Variants in ERCC8 observed in about 807,000 individuals in gnomAD.
ERCC8 encodes the protein DNA excision repair protein ERCC-8.
Under a neutral mutation model 54.9 loss-of-function variants are expected in ERCC8, and 52 were observed. That is an observed-to-expected ratio of 0.95 (90% CI 0.76 to 1.19). The LOEUF (loss-of-function observed/expected upper bound fraction) is 1.19, where lower values mean the gene tolerates loss of function less well. Ranked by LOEUF, ERCC8 falls within the 50% of genes most tolerant of loss-of-function variation. The pLI is 0.00. For synonymous variants in ERCC8, 146 were observed against 157.2 expected (o/e 0.93, Z 0.53); for missense variants, 514 against 466.1 (o/e 1.10, Z -0.95).
At chr5:60,907,966 T>C (rs750683761) in intron 4 of ERCC8, among the ~76,000 whole-genome samples, 3 of 152,208 alleles carry the variant, frequency 2.0e-5, no homozygotes, top group Non-Finnish European at 4.4e-5. Flanking sequence ...TTCAACACAA[T>C]TGATTACTCC....
chr5:60,917,806 C>A (rs1472266681), intron 4 of ERCC8, among the ~76,000 whole-genome samples: 1 of 151,998 alleles, frequency 6.6e-6, no homozygotes, highest in African/African-American at 2.4e-5. Context: ...TTATCCATTG[C>A]TTGTCTTTAC....
At chr5:60,891,933 G>A in intron 9 of ERCC8, 1 of 515,818 alleles carries the variant, frequency 1.9e-6, no homozygotes, top group Non-Finnish European at 3.9e-6. Context: ...CAGTCAATTA[G>A]TTACCAACAC....
At chr5:60,882,952 C>T (rs964597162) in intron 11 of ERCC8, among the ~76,000 whole-genome samples, 5 of 148,728 alleles carry the variant, frequency 3.4e-5, no homozygotes, top group African/African-American at 1.3e-4. Context: ...TGATAACTAC[C>T]AAAAATAGCC....
At chr5:60,926,925 CCATT>C (rs1327544730) in intron 2 of ERCC8, among the ~76,000 whole-genome samples, 1 of 152,136 alleles carries the variant, frequency 6.6e-6, no homozygotes, top group African/African-American at 2.4e-5. Flanking sequence ...TTCTCTGATT[CCATT>C]AACTTTCTAT....
At position 60,870,884 on chromosome 5, in the gene ERCC8, G is replaced by A. The variant is rs186208760; in HGVS notation, c.*3731C>T. Among the ~76,000 whole-genome samples the A allele has an allele frequency of 1.1e-4, 17 of 152,182 alleles. No homozygotes were observed. The highest frequency in any genetic ancestry group is 1.7e-4 in the African/African-American group (7 of 41,544). Reference sequence around the variant, plus strand: ...AAAAAAAGACATCAGATTTCTTGACGAGATTAAGAAACTGTAAGTTTTTAC... The same window carrying A: ...AAAAAAAGACATCAGATTTCTTGACAAGATTAAGAAACTGTAAGTTTTTAC... On this transcript the variant is annotated 3_prime_UTR_variant, in exon 12 of 12. Coordinates refer to ENST00000676185, the MANE Select transcript of ERCC8 (RefSeq NM_000082.4).
intron 4 of ERCC8, chr5:60,917,370 A>G (rs367835814): frequency 2.6e-5 from 4 of 152,224 alleles, no homozygotes; most frequent in African/African-American, 9.6e-5. Context: ...AGAACATAGG[A>G]TTGAAGGAAC....
chr5:60,876,342 G>A lies in ERCC8; in HGVS notation c.1123-1659C>T, dbSNP rs552626731. On this transcript the variant is annotated intron_variant, in intron 11 of 11. Coordinates refer to ENST00000676185, the MANE Select transcript of ERCC8 (RefSeq NM_000082.4). ...GTGAATAGTGCCGCAATAAACATAC[G>A]TGTGCATGTGTCTTTATAGCAGCAT... Among the ~76,000 whole-genome samples the A allele has an allele frequency of 7.2e-5, 11 of 152,252 alleles. No homozygotes were observed. In the South Asian group the frequency reaches 1.7e-3, roughly 23 times the overall value.
intron 11 of ERCC8, 87 bp from the exon 12 acceptor site, chr5:60,874,770 C>G: frequency 9.2e-7 from 1 of 1,087,146 alleles, no homozygotes; most frequent in African/African-American, 1.6e-5. Flanking sequence ...TGAAATATAT[C>G]AGATAAATAG....
chr5:60,893,669 C>T, intron 9 of ERCC8: 2 of 517,366 alleles, frequency 3.9e-6, no homozygotes, highest in Non-Finnish European at 7.0e-6. Context: ...AACAGACGCT[C>T]TTGTGCTGCT....
rs916084879 is a variant in ERCC8 at position 60,868,890 on chromosome 5, C to T, written c.*5725G>A. 1.3e-5 allele frequency among the ~76,000 whole-genome samples: 2 copies of T among 152,156 alleles called. No homozygotes were observed. The highest frequency in any genetic ancestry group is 4.8e-5 in the African/African-American group (2 of 41,444). On this transcript the variant is annotated 3_prime_UTR_variant, in exon 12 of 12. Transcript: ENST00000676185. Reference sequence around the variant, plus strand: ...CCTTCCGATGTCCAGAAATTCATTACAATAGAAAGCAAAGTGATTGTTTTC... The same window carrying T: ...CCTTCCGATGTCCAGAAATTCATTATAATAGAAAGCAAAGTGATTGTTTTC...
chr5:60,871,827 G>A lies in ERCC8; in HGVS notation c.*2788C>T, dbSNP rs1020435662. On this transcript the variant is annotated 3_prime_UTR_variant, in exon 12 of 12. Transcript: ENST00000676185. ...TTCTTTTTCTTTTGGGAGACACAAG[G>A]TCTCGCCATGTCACCCAGGCTGGAG... Among the ~76,000 whole-genome samples the A allele has an allele frequency of 1.3e-5, 2 of 151,962 alleles. No homozygotes were observed. Among genetic ancestry groups the A allele is most frequent in the African/African-American group, 4.8e-5 (2 of 41,352 alleles).
At chr5:60,882,753 C>T (rs746056140) in intron 11 of ERCC8, among the ~76,000 whole-genome samples, 1 of 152,166 alleles carries the variant, frequency 6.6e-6, no homozygotes, top group Non-Finnish European at 1.5e-5. Flanking sequence ...TTATTTGCAA[C>T]AGTTGTATAC....
Position 60,870,618 on chromosome 5 carries a change from C to T in ERCC8, c.*3997G>A, listed in dbSNP as rs149650551. On this transcript the variant is annotated 3_prime_UTR_variant, in exon 12 of 12. Coordinates refer to ENST00000676185, the MANE Select transcript of ERCC8 (RefSeq NM_000082.4). ...CGGAGGTTGCAGTGAGCTGAGATGGCGCCACTGCCCTCTAGTCTGGGTGAC... is the reference window on the plus strand; with the variant it reads ...CGGAGGTTGCAGTGAGCTGAGATGGTGCCACTGCCCTCTAGTCTGGGTGAC... Among the ~76,000 whole-genome samples, 2,172 of 148,378 alleles carry T rather than the reference C, an allele frequency of 0.015. 19 individuals are homozygous for T. Among genetic ancestry groups the T allele is most frequent in the South Asian group, 0.027 (128 of 4,690 alleles).
At position 60,869,832 on chromosome 5, in the gene ERCC8, C is replaced by T. The variant is rs944929544; in HGVS notation, c.*4783G>A. On this transcript the variant is annotated 3_prime_UTR_variant, in exon 12 of 12. Transcript: ENST00000676185. ...AAAAATGGAATCAAAGTGAAGTGAA[C>T]AAATGGCCTAAGTATTCTTTGAAAT... 3.3e-5 allele frequency among the ~76,000 whole-genome samples: 5 copies of T among 151,580 alleles called. No individual in the cohort carries two copies. The highest frequency in any genetic ancestry group is 6.6e-5 in the Admixed American group (1 of 15,240).
At chr5:60,903,452 T>C in intron 6 of ERCC8, 196 bp downstream of exon 6, 1 of 823,922 alleles carries the variant, frequency 1.2e-6, no homozygotes, top group Non-Finnish European at 1.8e-6. Context: ...ATGATCATTG[T>C]TCATATAAAT....
At chr5:60,938,606 G>A (rs985646948) in intron 1 of ERCC8, among the ~76,000 whole-genome samples, 6 of 151,920 alleles carry the variant, frequency 3.9e-5, no homozygotes, top group South Asian at 2.1e-4. Context: ...CACCTGTCTC[G>A]GCCTCCCAAA....
intron 8 of ERCC8, among the ~76,000 whole-genome samples, chr5:60,898,840 A>G (rs768003199): frequency 4.0e-5 from 6 of 150,446 alleles, no homozygotes; most frequent in Non-Finnish European, 8.9e-5. Flanking sequence ...CTCAAAATTT[A>G]TATCACTTAC....
chr5:60,900,698 C>T (rs1399973339), intron 7 of ERCC8: 1 of 151,988 alleles, frequency 6.6e-6, no homozygotes, highest in Admixed American at 6.6e-5. Context: ...GAAATGAAAT[C>T]AGTATGAGGA....
chr5:60,885,131 C>T (rs75418851), intron 11 of ERCC8, among the ~76,000 whole-genome samples: 2 of 152,114 alleles, frequency 1.3e-5, no homozygotes, highest in East Asian at 3.9e-4. Flanking sequence ...CCCACCTCAC[C>T]CTCTTAAGTA....
Sources: allele counts gnomAD v4.1 joint callset (sites outside exome capture counted in the v4.1 genomes callset), GRCh38; gene constraint gnomAD v4.1.1; transcripts MANE v1.5; gene names NCBI Gene and HGNC (gene_info 2026-07-23, HGNC 2026-07-21).